DLGAP2: variants seen among roughly 807,000 people sequenced by gnomAD.
DLGAP2 encodes disks large-associated protein 2.
In DLGAP2, 26 loss-of-function variants were observed where a neutral mutation model predicts 100.3. The ratio of observed to expected loss-of-function variants is 0.26; its 90% CI spans 0.19 to 0.36. DLGAP2 has a LOEUF of 0.36. Among genes scored for constraint, DLGAP2 ranks in the 10% least tolerant of loss-of-function variants. The pLI, the probability that DLGAP2 is intolerant of heterozygous loss-of-function variation, is 1.00. For missense variants in DLGAP2, 1,858 were observed against 1,453.2 expected (o/e 1.28, Z -4.53); for synonymous variants, 886 against 630.1 (o/e 1.41, Z -6.08).
intron 6 of DLGAP2, among the ~76,000 whole-genome samples, chr8:1,579,534 CA>C (rs1274757936): frequency 1.3e-5 from 2 of 151,798 alleles, no homozygotes; most frequent in East Asian, 3.9e-4. Context: ...GAGAGTTTTT[CA>C]ATATAAGTAA....
chr8:1,415,403 T>C (rs1342301888), intron 3 of DLGAP2, among the ~76,000 whole-genome samples: 1 of 152,206 alleles, frequency 6.6e-6, no homozygotes, highest in African/African-American at 2.4e-5. Flanking sequence ...GTGCAAATGA[T>C]CCCATCACCC....
At chr8:1,319,491 G>A (rs1221584071) in intron 3 of DLGAP2, among the ~76,000 whole-genome samples, 1 of 152,180 alleles carries the variant, frequency 6.6e-6, no homozygotes, top group African/African-American at 2.4e-5. Context: ...GGGTGTGGAG[G>A]CAGCTGACGT....
intron 2 of DLGAP2, among the ~76,000 whole-genome samples, chr8:1,050,882 G>T (rs887586517): frequency 9.9e-5 from 15 of 151,792 alleles, no homozygotes; most frequent in Admixed American, 4.6e-4. Context: ...TGATGAGCTT[G>T]TGTGACCTAT....
At position 789,509 on chromosome 8, in the gene DLGAP2, G is replaced by T. The variant is rs140127293; in HGVS notation, c.18+51684G>T. ...CCGACACTGGGGATCACAATTTGAC[G>T]TGAGATTTGGGTGGAGACACAGAGC... On this transcript the variant is annotated intron_variant, in intron 1 of 14. Coordinates refer to ENST00000637795, the MANE Select transcript of DLGAP2 (RefSeq NM_001346810.2). Among the ~76,000 whole-genome samples, 6 of 152,330 alleles carry T rather than the reference G, an allele frequency of 3.9e-5. No homozygotes were observed. In the South Asian group the frequency reaches 6.2e-4, roughly 16 times the overall value.
At chr8:1,060,940 C>A (rs190135686) in intron 2 of DLGAP2, among the ~76,000 whole-genome samples, 1 of 152,216 alleles carries the variant, frequency 6.6e-6, no homozygotes, top group Non-Finnish European at 1.5e-5. Context: ...GAGTGTGTCT[C>A]CCAGCCTTCA....
intron 6 of DLGAP2, among the ~76,000 whole-genome samples, chr8:1,618,920 C>A (rs1403088249): frequency 6.6e-6 from 1 of 152,122 alleles, no homozygotes; most frequent in African/African-American, 2.4e-5. Flanking sequence ...AAAATATCTC[C>A]ATACATCACC....
chr8:1,206,179 T>C (rs1287610087), intron 2 of DLGAP2, among the ~76,000 whole-genome samples: 2 of 152,128 alleles, frequency 1.3e-5, no homozygotes, highest in African/African-American at 4.8e-5. Context: ...GTGAGAAGGG[T>C]AGGTACAAGT....
intron 3 of DLGAP2, among the ~76,000 whole-genome samples, chr8:1,322,984 GC>G (rs1800940638): frequency 6.6e-6 from 1 of 151,508 alleles, no homozygotes. Context: ...TCCCCTCCAT[GC>G]CCCATAGAAT....
chr8:1,044,822 C>G (rs911189769), intron 2 of DLGAP2, among the ~76,000 whole-genome samples: 1 of 152,216 alleles, frequency 6.6e-6, no homozygotes, highest in African/African-American at 2.4e-5. Context: ...TCTCGACCTG[C>G]AGAACGGACC....
At chr8:946,539 AG>A (rs1799330992) in intron 2 of DLGAP2, among the ~76,000 whole-genome samples, 2 of 152,312 alleles carry the variant, frequency 1.3e-5, no homozygotes, top group African/African-American at 4.8e-5. Flanking sequence ...CTGGGATTAC[AG>A]GCGTGAGCCA....
At chr8:1,279,132 T>C (rs754335036) in intron 3 of DLGAP2, among the ~76,000 whole-genome samples, 25 of 152,222 alleles carry the variant, frequency 1.6e-4, no homozygotes, top group African/African-American at 5.8e-4. Flanking sequence ...GCATTGCAAA[T>C]AGAGGTGTCA....
At chr8:1,235,227 G>GCGT (rs140368380) in intron 2 of DLGAP2, among the ~76,000 whole-genome samples, 2 of 114,594 alleles carry the variant, frequency 1.7e-5, no homozygotes, top group Non-Finnish European at 4.0e-5. Flanking sequence ...CTCACACATG[G>GCGT]CATGTCTAGT....
At chr8:1,351,731 G>T (rs1197349252) in intron 3 of DLGAP2, among the ~76,000 whole-genome samples, 2 of 66,966 alleles carry the variant, frequency 3.0e-5, no homozygotes, top group Non-Finnish European at 6.1e-5. Context: ...CTGAGTGTGT[G>T]TGGAAAGGCC....
At chr8:1,344,805 G>C (rs1386145072) in intron 3 of DLGAP2, among the ~76,000 whole-genome samples, 1 of 152,214 alleles carries the variant, frequency 6.6e-6, no homozygotes, top group Non-Finnish European at 1.5e-5. Context: ...GACTGGGCGT[G>C]TGTCTGACTC....
chr8:744,563 C>T (rs1233101449), intron 1 of DLGAP2, among the ~76,000 whole-genome samples: 4 of 151,388 alleles, frequency 2.6e-5, no homozygotes, highest in Non-Finnish European at 4.4e-5. Flanking sequence ...GCCACGTCGC[C>T]CTCCCGGGGT....
intron 4 of DLGAP2, among the ~76,000 whole-genome samples, chr8:1,529,735 A>G (rs1800922959): frequency 6.6e-6 from 1 of 152,238 alleles, no homozygotes; most frequent in Non-Finnish European, 1.5e-5. Flanking sequence ...ACCTGCCCCG[A>G]TATTCACGTA....
intron 8 of DLGAP2, among the ~76,000 whole-genome samples, chr8:1,645,215 TA>T: frequency 6.6e-6 from 1 of 152,388 alleles, no homozygotes; most frequent in African/African-American, 2.4e-5. Context: ...TACAATTTTT[TA>T]ACCTTATAAT....
chr8:1,255,073 C>CGCTGTGTGTGTGTCCTCTCCTGCCCGGGT lies in DLGAP2; in HGVS notation c.74-3759_74-3758insCTGCCCGGGTGCTGTGTGTGTGTCCTCTC, dbSNP rs1563043536. ...TGTGTGTCCTCTCATCCTGCCCGGC[C>CGCTGTGTGTGTGTCCTCTCCTGCCCGGGT]GCTGTGTGTGTGTCCTCTCATCCTG... On this transcript the variant is annotated intron_variant, in intron 2 of 14. Coordinates refer to ENST00000637795, the MANE Select transcript of DLGAP2 (RefSeq NM_001346810.2). 2.1e-3 allele frequency among the ~76,000 whole-genome samples: 228 copies of CGCTGTGTGTGTGTCCTCTCCTGCCCGGGT among 106,652 alleles called. 5 individuals are homozygous for CGCTGTGTGTGTGTCCTCTCCTGCCCGGGT. Among genetic ancestry groups the CGCTGTGTGTGTGTCCTCTCCTGCCCGGGT allele is most frequent in the Admixed American group, 3.4e-3 (33 of 9,754 alleles). The allele number at this position is 106,652 out of a possible 152,430, so 70.0% of individuals were successfully genotyped here.
At chr8:994,818 A>C (rs1800741381) in intron 2 of DLGAP2, among the ~76,000 whole-genome samples, 1 of 152,188 alleles carries the variant, frequency 6.6e-6, no homozygotes, top group African/African-American at 2.4e-5. Context: ...TCCATATCAC[A>C]GCAGACGAAG....
Sources: allele counts gnomAD v4.1 joint callset (sites outside exome capture counted in the v4.1 genomes callset), GRCh38; gene constraint gnomAD v4.1.1; transcripts MANE v1.5; gene names NCBI Gene and HGNC (gene_info 2026-07-23, HGNC 2026-07-21).